The following CPA6 variants were observed in gnomAD, a reference collection of about 807,000 sequenced individuals.
CPA6 encodes the protein carboxypeptidase A6.
CPA6 carries 58 observed loss-of-function variants against 63.3 expected under a neutral mutation model. The ratio of observed to expected loss-of-function variants is 0.92; its 90% CI spans 0.74 to 1.14. The LOEUF is 1.14. CPA6 is among the 50% of genes most tolerant of loss of function. CPA6 has a pLI of 0.00. For synonymous variants in CPA6, 185 were observed against 179.0 expected, an observed-to-expected ratio of 1.03 and a Z score of -0.27; for missense variants, 565 against 526.6, an observed-to-expected ratio of 1.07 and a Z score of -0.71.
intron 8 of CPA6, among the ~76,000 whole-genome samples, chr8:67,439,010 C>T (rs1810226890): frequency 1.3e-5 from 2 of 152,070 alleles, no homozygotes; most frequent in African/African-American, 2.4e-5. Context: ...AAAGAAGAAA[C>T]AGGGCCAGCT....
chr8:67,559,100 T>A lies in CPA6; in HGVS notation c.193-41053A>T, dbSNP rs560625757. ...AGTGTCAGGGCACTAGTGTTTGGGG[T>A]CTTGTTTAAAACGTTCCAACTTTTG... On this transcript the variant is annotated intron_variant, in intron 2 of 10. Coordinates refer to ENST00000297770, the MANE Select transcript of CPA6 (RefSeq NM_020361.5). Among the ~76,000 whole-genome samples, 9 of 152,264 alleles carry A rather than the reference T, an allele frequency of 5.9e-5. No homozygotes were observed. In the South Asian group the frequency reaches 1.2e-3, roughly 21 times the overall value.
intron 1 of CPA6, among the ~76,000 whole-genome samples, chr8:67,643,135 A>G (rs546510521): frequency 6.6e-6 from 1 of 152,334 alleles, no homozygotes; most frequent in East Asian, 1.9e-4. Context: ...GAAGCAAATG[A>G]ACAAAAATAT....
chr8:67,448,961 G>C (rs2128955430), intron 8 of CPA6, among the ~76,000 whole-genome samples: 1 of 152,144 alleles, frequency 6.6e-6, no homozygotes, highest in South Asian at 2.1e-4. Flanking sequence ...ATATATTAAA[G>C]TGTAATGCAG....
At chr8:67,622,117 T>C (rs1253106969) in intron 2 of CPA6, among the ~76,000 whole-genome samples, 2 of 152,216 alleles carry the variant, frequency 1.3e-5, no homozygotes, top group Non-Finnish European at 2.9e-5. Flanking sequence ...AACACGTAAA[T>C]AGATTCACAA....
At chr8:67,672,540 C>T (rs1330322910) in intron 1 of CPA6, among the ~76,000 whole-genome samples, 1 of 152,136 alleles carries the variant, frequency 6.6e-6, no homozygotes, top group Admixed American at 6.6e-5. Context: ...TCCACCCTCC[C>T]ATGTCAAGTC....
At chr8:67,604,148 C>T (rs1814566231) in intron 2 of CPA6, among the ~76,000 whole-genome samples, 1 of 152,134 alleles carries the variant, frequency 6.6e-6, no homozygotes. Context: ...GTTTGTTGTT[C>T]CTCAAAACAC....
intron 9 of CPA6, among the ~76,000 whole-genome samples, chr8:67,432,255 A>G (rs1810043745): frequency 6.6e-6 from 1 of 152,214 alleles, no homozygotes; most frequent in Non-Finnish European, 1.5e-5. Context: ...CCAAACTCCA[A>G]TGGCTAATGA....
chr8:67,652,943 C>T (rs1587672496), intron 1 of CPA6, among the ~76,000 whole-genome samples: 1 of 151,648 alleles, frequency 6.6e-6, no homozygotes, highest in East Asian at 1.9e-4. Flanking sequence ...GATCCAGTTT[C>T]AGCTTTCTAC....
chr8:67,465,823 TA>T (rs1398268719), intron 8 of CPA6, among the ~76,000 whole-genome samples: 48 of 152,302 alleles, frequency 3.2e-4, no homozygotes, highest in African/African-American at 1.0e-3. Context: ...GATGATGAAT[TA>T]ACTTTTTAAT....
At chr8:67,736,336 T>C (rs774888829) in intron 1 of CPA6, among the ~76,000 whole-genome samples, 8 of 152,224 alleles carry the variant, frequency 5.3e-5, no homozygotes, top group Non-Finnish European at 1.2e-4. Context: ...GACAAGCTTC[T>C]TGAAATTATG....
intron 2 of CPA6, among the ~76,000 whole-genome samples, chr8:67,611,893 G>C (rs1814816288): frequency 1.3e-5 from 2 of 152,196 alleles, no homozygotes; most frequent in African/African-American, 4.8e-5. Context: ...TGATAGAGGG[G>C]AAGATGCTCC....
intron 1 of CPA6, among the ~76,000 whole-genome samples, chr8:67,726,469 G>C (rs900760987): frequency 6.6e-6 from 1 of 152,146 alleles, no homozygotes. Flanking sequence ...GTAATTGATG[G>C]TGCAAGAAAC....
chr8:67,500,640 T>C (rs1811812724), intron 6 of CPA6, among the ~76,000 whole-genome samples: 1 of 152,132 alleles, frequency 6.6e-6, no homozygotes, highest in Non-Finnish European at 1.5e-5. Context: ...TTTTCTTCTA[T>C]GCTTTTTTCC....
At chr8:67,608,738 C>G (rs1202155572) in intron 2 of CPA6, among the ~76,000 whole-genome samples, 2 of 152,192 alleles carry the variant, frequency 1.3e-5, no homozygotes, top group African/African-American at 4.8e-5. Context: ...CAGCGCTCAC[C>G]CCAGCTCACC....
intron 1 of CPA6, among the ~76,000 whole-genome samples, chr8:67,713,071 ATC>A (rs1401579904): frequency 8.4e-6 from 1 of 119,144 alleles, no homozygotes; most frequent in African/African-American, 3.4e-5. Flanking sequence ...GCATGTGTGT[ATC>A]TGTGTGTGTA....
chr8:67,433,130 C>T (rs1810065161), intron 9 of CPA6, among the ~76,000 whole-genome samples: 1 of 152,210 alleles, frequency 6.6e-6, no homozygotes. Context: ...TAGAAGAGTA[C>T]ACTGTTTTTG....
chr8:67,628,441 T>C (rs889679730), intron 1 of CPA6, among the ~76,000 whole-genome samples: 3 of 152,226 alleles, frequency 2.0e-5, no homozygotes, highest in African/African-American at 7.2e-5. Context: ...AACTTCTTTG[T>C]ACGTTACAGA....
chr8:67,479,971 CTT>C (rs1002477758), intron 8 of CPA6, among the ~76,000 whole-genome samples: 4 of 144,256 alleles, frequency 2.8e-5, no homozygotes, highest in Non-Finnish European at 3.1e-5. Context: ...CCCGGCTCCA[CTT>C]TTTTTTTTTT....
At chr8:67,616,526 T>C (rs1383353528) in intron 2 of CPA6, among the ~76,000 whole-genome samples, 1 of 148,924 alleles carries the variant, frequency 6.7e-6, no homozygotes, top group African/African-American at 2.6e-5. Context: ...TGTGTGTGTG[T>C]GTGTGTGTGT....
Sources: allele counts gnomAD v4.1 joint callset (sites outside exome capture counted in the v4.1 genomes callset), GRCh38; gene constraint gnomAD v4.1.1; transcripts MANE v1.5; gene names NCBI Gene and HGNC (gene_info 2026-07-23, HGNC 2026-07-21).